ENTREP1: variants seen among roughly 807,000 people sequenced by gnomAD.
ENTREP1 encodes the protein Friedreich ataxia region gene X123.
the ENTREP1 span, among the ~76,000 whole-genome samples, chr9:69,340,729 G>A: frequency 2.2e-5 from 3 of 136,124 alleles, no homozygotes; most frequent in South Asian, 2.7e-4. Flanking sequence ...ATGCATGTGT[G>A]TGTGTATGTG....
the ENTREP1 span, among the ~76,000 whole-genome samples, chr9:69,389,037 A>G: frequency 6.6e-6 from 1 of 152,214 alleles, no homozygotes; most frequent in African/African-American, 2.4e-5. Flanking sequence ...GTTGGGTCTC[A>G]GGTTTCTCCT....
chr9:69,339,060 C>T, the ENTREP1 span, among the ~76,000 whole-genome samples: 5,530 of 152,000 alleles, frequency 0.036, 306 homozygotes, highest in African/African-American at 0.12. Context: ...TTCTCTGTTG[C>T]CCAGGCTGGA....
chr9:69,332,879 G>A, the ENTREP1 span, among the ~76,000 whole-genome samples: 1 of 152,142 alleles, frequency 6.6e-6, no homozygotes, highest in Non-Finnish European at 1.5e-5. Flanking sequence ...CATTGTTTGT[G>A]ACAGCAAAAA....
chr9:69,340,636 C>CATGTGTGTGTGCATGCATGTGTGTGT, the ENTREP1 span, among the ~76,000 whole-genome samples: 1 of 120,550 alleles, frequency 8.3e-6, no homozygotes, highest in Non-Finnish European at 1.7e-5. Context: ...TGTGTGTGTG[C>CATGTGTGTGTGCATGCATGTGTGTGT]GTGCATGTGT....
chr9:69,370,640 C>G, the ENTREP1 span, among the ~76,000 whole-genome samples: 85 of 152,118 alleles, frequency 5.6e-4, no homozygotes, highest in Non-Finnish European at 1.0e-3. Flanking sequence ...AAATGGGTCT[C>G]GGGAAATGCT....
the ENTREP1 span, among the ~76,000 whole-genome samples, chr9:69,351,847 G>T: frequency 6.6e-6 from 1 of 151,972 alleles, no homozygotes; most frequent in African/African-American, 2.4e-5. Flanking sequence ...CTGTTTATTT[G>T]TCTTTTTAAT....
chr9:69,342,739 C>G, the ENTREP1 span, among the ~76,000 whole-genome samples: 2 of 152,214 alleles, frequency 1.3e-5, no homozygotes, highest in Non-Finnish European at 2.9e-5. Flanking sequence ...GAAGATTTGG[C>G]CTCTCAATTT....
At chr9:69,388,299 A>G in the ENTREP1 span, 1 of 1,614,160 alleles carries the variant, frequency 6.2e-7, no homozygotes. Context: ...TCCTACATGG[A>G]CACCAAGCTG....
At chr9:69,329,804 G>A in the ENTREP1 span, 2 of 727,278 alleles carry the variant, frequency 2.7e-6, no homozygotes, top group Non-Finnish European at 3.4e-6. Flanking sequence ...TGGGGTGTGG[G>A]AGTTAACGAG....
At chr9:69,376,320 G>C in the ENTREP1 span, among the ~76,000 whole-genome samples, 1 of 152,206 alleles carries the variant, frequency 6.6e-6, no homozygotes, top group African/African-American at 2.4e-5. Flanking sequence ...TCTGCAACAC[G>C]TAGACTAAGG....
the ENTREP1 span, chr9:69,325,730 A>C: frequency 4.9e-6 from 6 of 1,225,102 alleles, no homozygotes; most frequent in African/African-American, 3.1e-5. Context: ...CTCGGTGAGT[A>C]CCGCGCGCGC....
chr9:69,391,557 G>C, the ENTREP1 span: 4 of 1,567,316 alleles, frequency 2.6e-6, no homozygotes, highest in African/African-American at 5.4e-5. Context: ...GCCACATCTG[G>C]TAAAGCTTAC....
At chr9:69,344,307 A>C in the ENTREP1 span, among the ~76,000 whole-genome samples, 3,488 of 152,268 alleles carry the variant, frequency 0.023, 44 homozygotes, top group South Asian at 0.052. Flanking sequence ...CCAAGTGATC[A>C]TACATGTATG....
the ENTREP1 span, chr9:69,329,566 T>A: frequency 5.1e-6 from 5 of 985,204 alleles, no homozygotes; most frequent in Non-Finnish European, 6.0e-6. Context: ...TAACGTAGTC[T>A]GTGTTTTTGA....
the ENTREP1 span, among the ~76,000 whole-genome samples, chr9:69,341,302 A>T: frequency 1.3e-5 from 2 of 152,156 alleles, no homozygotes; most frequent in Non-Finnish European, 2.9e-5. Flanking sequence ...CTTGGATCAC[A>T]TGTGGCTTAT....
chr9:69,349,422 C>T, the ENTREP1 span, among the ~76,000 whole-genome samples: 1 of 152,110 alleles, frequency 6.6e-6, no homozygotes, highest in Non-Finnish European at 1.5e-5. Context: ...CTAGTTTCTC[C>T]ACGGTTTTGC....
At chr9:69,383,541 G>A in the ENTREP1 span, 3 of 1,578,242 alleles carry the variant, frequency 1.9e-6, no homozygotes, top group Non-Finnish European at 2.6e-6. Flanking sequence ...TTTCCCCACA[G>A]TTTAGAGCAA....
the ENTREP1 span, chr9:69,371,713 G>A: frequency 1.3e-6 from 1 of 775,742 alleles, no homozygotes; most frequent in Non-Finnish European, 2.3e-6. Context: ...GTCCTGAAGT[G>A]AAACCTGAAA....
the ENTREP1 span, among the ~76,000 whole-genome samples, chr9:69,345,620 T>G: frequency 6.6e-6 from 1 of 152,240 alleles, no homozygotes; most frequent in Non-Finnish European, 1.5e-5. Context: ...TTTTATCTTT[T>G]GAGACGGAGT....
Sources: gnomAD v4.1 joint callset for allele counts (sites outside exome capture counted in the v4.1 genomes callset) on GRCh38, gnomAD v4.1.1 for gene constraint, MANE v1.5 for transcripts, NCBI Gene and HGNC (gene_info 2026-07-23, HGNC 2026-07-21) for gene names.